The following EPC2 variants were observed in gnomAD, a reference collection of about 807,000 sequenced individuals.
EPC2 encodes the protein enhancer of polycomb homolog 2.
A neutral mutation model predicts 92.1 loss-of-function variants in EPC2; 14 were observed. The observed-to-expected ratio is 0.15, with a 90% confidence interval of 0.10 to 0.24. The LOEUF is 0.24. EPC2 is among the 10% of genes least tolerant of loss of function. The pLI, the probability that EPC2 is intolerant of heterozygous loss-of-function variation, is 1.00. For missense variants in EPC2, 755 were observed against 971.5 expected (o/e 0.78, Z 2.96); for synonymous variants, 340 against 334.7 (o/e 1.02, Z -0.17).
At chr2:148,716,796 A>G (rs963066925) in intron 2 of EPC2, among the ~76,000 whole-genome samples, 1 of 152,122 alleles carries the variant, frequency 6.6e-6, no homozygotes, top group Admixed American at 6.5e-5. Flanking sequence ...AATTTTTTGA[A>G]CAGTTTCAGT....
chr2:148,735,460 T>C (rs903828095), intron 2 of EPC2, among the ~76,000 whole-genome samples: 4 of 152,004 alleles, frequency 2.6e-5, no homozygotes, highest in African/African-American at 4.8e-5. Flanking sequence ...TTTCTCTGGG[T>C]CATTTTCTTA....
At chr2:148,705,713 G>A (rs1000611084) in intron 2 of EPC2, among the ~76,000 whole-genome samples, 19 of 152,206 alleles carry the variant, frequency 1.2e-4, no homozygotes, top group African/African-American at 4.6e-4. Context: ...CAAACGGTCT[G>A]GAGTGGACCT....
At chr2:148,652,542 T>A (rs1680708189) in intron 1 of EPC2, among the ~76,000 whole-genome samples, 1 of 152,346 alleles carries the variant, frequency 6.6e-6, no homozygotes, top group East Asian at 1.9e-4. Context: ...GCCCTTAGTT[T>A]TCTCATTTGT....
intron 2 of EPC2, among the ~76,000 whole-genome samples, chr2:148,726,234 G>A (rs1237207753): frequency 1.3e-5 from 2 of 152,178 alleles, no homozygotes; most frequent in African/African-American, 4.8e-5. Flanking sequence ...CTTAGCCATT[G>A]TGAATAATGC....
chr2:148,687,200 T>C (rs976647173), intron 1 of EPC2, among the ~76,000 whole-genome samples: 4 of 152,238 alleles, frequency 2.6e-5, no homozygotes, highest in African/African-American at 7.2e-5. Flanking sequence ...TGAGCCAATC[T>C]CTGCCATCTT....
chr2:148,700,036 G>A (rs1198913158), intron 2 of EPC2, among the ~76,000 whole-genome samples: 1 of 152,028 alleles, frequency 6.6e-6, no homozygotes, highest in Non-Finnish European at 1.5e-5. Context: ...CTTTAGTGTG[G>A]TGTCTGTTCA....
intron 1 of EPC2, among the ~76,000 whole-genome samples, chr2:148,653,894 C>T (rs1451260956): frequency 6.6e-6 from 1 of 151,716 alleles, no homozygotes; most frequent in East Asian, 1.9e-4. Context: ...AGCCCCATTT[C>T]CTCATCTGTT....
At chr2:148,720,106 T>G (rs1370957788) in intron 2 of EPC2, among the ~76,000 whole-genome samples, 2 of 151,840 alleles carry the variant, frequency 1.3e-5, no homozygotes, top group Non-Finnish European at 2.9e-5. Flanking sequence ...CAGGGAGAGA[T>G]AAGAAAGGTA....
chr2:148,741,284 T>A (rs1682875333), intron 2 of EPC2, among the ~76,000 whole-genome samples: 1 of 152,174 alleles, frequency 6.6e-6, no homozygotes, highest in South Asian at 2.1e-4. Context: ...TAATTTAGTA[T>A]GTTTAAAGCA....
chr2:148,692,066 G>T (rs536230062), intron 2 of EPC2: 2 of 316,268 alleles, frequency 6.3e-6, no homozygotes, highest in South Asian at 5.6e-5. Flanking sequence ...CTCCTTTAAC[G>T]TCATTTATTT....
At chr2:148,714,243 C>T (rs1277068266) in intron 2 of EPC2, among the ~76,000 whole-genome samples, 2 of 152,062 alleles carry the variant, frequency 1.3e-5, no homozygotes, top group African/African-American at 2.4e-5. Context: ...GGCATGATCT[C>T]GTTCCTTTTT....
intron 1 of EPC2, among the ~76,000 whole-genome samples, chr2:148,683,816 T>C (rs1054485355): frequency 3.3e-5 from 5 of 152,224 alleles, no homozygotes; most frequent in Admixed American, 1.3e-4. Context: ...CAATTGCAAA[T>C]TGTACTGCTG....
intron 1 of EPC2, among the ~76,000 whole-genome samples, chr2:148,671,287 ATTTT>A (rs60048357): frequency 7.9e-6 from 1 of 127,090 alleles, no homozygotes; most frequent in Non-Finnish European, 1.7e-5. Flanking sequence ...GTGGATTGTG[ATTTT>A]TTTTTTTTTT....
At chr2:148,700,675 C>T (rs866346061) in intron 2 of EPC2, among the ~76,000 whole-genome samples, 1 of 149,854 alleles carries the variant, frequency 6.7e-6, no homozygotes, top group Non-Finnish European at 1.5e-5. Flanking sequence ...TAATGTCAGT[C>T]CTCTGCCCTT....
rs1015796947 is a variant in EPC2 at position 148,683,446 on chromosome 2, T to C, written c.154-6768T>C. On this transcript the variant is annotated intron_variant, in intron 1 of 13. Coordinates refer to ENST00000258484, the MANE Select transcript of EPC2 (RefSeq NM_015630.4). Reference sequence around the variant, plus strand: ...CCACTGCCGGCTAATTTTTGTAATTTTAGTAGAGACAGGGTTTCACCATGT... The same window carrying C: ...CCACTGCCGGCTAATTTTTGTAATTCTAGTAGAGACAGGGTTTCACCATGT... 2.0e-5 allele frequency among the ~76,000 whole-genome samples: 3 copies of C among 152,156 alleles called. No homozygotes were observed. The South Asian group carries it at 6.2e-4, about 32-fold the overall frequency.
intron 4 of EPC2, among the ~76,000 whole-genome samples, chr2:148,760,514 A>G (rs1683283373): frequency 6.6e-6 from 1 of 152,210 alleles, no homozygotes; most frequent in Admixed American, 6.5e-5. Flanking sequence ...TACCCTGCAC[A>G]GTGTAGGCAC....
chr2:148,719,725 G>A lies in EPC2; in HGVS notation c.314-23897G>A, dbSNP rs536164503. On this transcript the variant is annotated intron_variant, in intron 2 of 13. Transcript: ENST00000258484. The stretch of plus-strand genomic sequence containing the variant: ...TTAGGAGGAATGGGATCAGGGGCCC[G>A]CTTAAAGCAACAGTTTGGCCTCTTT... 3.4e-4 allele frequency among the ~76,000 whole-genome samples: 52 copies of A among 152,332 alleles called. 1 individual carries two copies. In the South Asian group the frequency reaches 6.4e-3, roughly 19 times the overall value.
intron 1 of EPC2, among the ~76,000 whole-genome samples, chr2:148,682,434 T>C (rs146739600): frequency 7.9e-5 from 12 of 152,220 alleles, no homozygotes; most frequent in African/African-American, 2.9e-4. Flanking sequence ...TTATCTCCAC[T>C]AATTAATGAG....
At chr2:148,668,217 T>C (rs1011908812) in intron 1 of EPC2, among the ~76,000 whole-genome samples, 1 of 152,174 alleles carries the variant, frequency 6.6e-6, no homozygotes, top group Non-Finnish European at 1.5e-5. Flanking sequence ...ATTTTATTTA[T>C]TTTTTAAAGC....
Sources: allele counts gnomAD v4.1 joint callset (sites outside exome capture counted in the v4.1 genomes callset), GRCh38; gene constraint gnomAD v4.1.1; transcripts MANE v1.5; gene names NCBI Gene and HGNC (gene_info 2026-07-23, HGNC 2026-07-21).